Variants in RBFOX3 observed in about 807,000 individuals in gnomAD.
The protein encoded by RBFOX3 is RNA binding fox-1 homolog 3, also known as RNA binding protein fox-1 homolog 3.
In RBFOX3, 17 loss-of-function variants were observed where a neutral mutation model predicts 48.7. That is an observed-to-expected ratio of 0.35 (90% CI 0.24 to 0.52). The LOEUF is 0.52. RBFOX3 is among the 20% of genes least tolerant of loss of function. The pLI is 0.94. For synonymous variants in RBFOX3, 212 were observed against 209.5 expected, an observed-to-expected ratio of 1.01 and a Z score of -0.10; for missense variants, 382 against 497.5, an observed-to-expected ratio of 0.77 and a Z score of 2.21.
chr17:79,222,747 G>A (rs1455545971), intron 4 of RBFOX3, among the ~76,000 whole-genome samples: 1 of 152,216 alleles, frequency 6.6e-6, no homozygotes, highest in Admixed American at 6.5e-5. Context: ...CTCCTAGAGG[G>A]CAGGGGCTCA....
At chr17:79,163,682 G>A (rs1301895144) in intron 4 of RBFOX3, among the ~76,000 whole-genome samples, 1 of 147,470 alleles carries the variant, frequency 6.8e-6, no homozygotes, top group African/African-American at 2.6e-5. Flanking sequence ...CTAGAGGGAT[G>A]CCCCCCACCC....
At chr17:79,521,217 GAC>G (rs1284110564) in intron 1 of RBFOX3, among the ~76,000 whole-genome samples, 8 of 151,146 alleles carry the variant, frequency 5.3e-5, no homozygotes, top group East Asian at 1.9e-4. Flanking sequence ...CTCACGCTCA[GAC>G]ACACACACAC....
At chr17:79,202,195 C>T (rs1567833283) in intron 4 of RBFOX3, among the ~76,000 whole-genome samples, 1 of 152,146 alleles carries the variant, frequency 6.6e-6, no homozygotes, top group South Asian at 2.1e-4. Flanking sequence ...GTGATCCCTG[C>T]ATCTGAGCTG....
At chr17:79,105,169 G>C (rs1317747536) in intron 6 of RBFOX3, among the ~76,000 whole-genome samples, 3 of 152,222 alleles carry the variant, frequency 2.0e-5, no homozygotes, top group South Asian at 2.1e-4. Context: ...GGTGCAGCAA[G>C]CCCCAGTGGG....
chr17:79,112,904 C>CGGCGGGGGGGGGG (rs1307784460), intron 5 of RBFOX3, among the ~76,000 whole-genome samples: 121 of 10,200 alleles, frequency 0.012, 4 homozygotes, highest in Middle Eastern at 0.062. Context: ...AGCAGGCTCT[C>CGGCGGGGGGGGGG]GGGGGGGGGG....
chr17:79,437,780 G>A (rs2069850592), intron 2 of RBFOX3, among the ~76,000 whole-genome samples: 1 of 152,238 alleles, frequency 6.6e-6, no homozygotes, highest in African/African-American at 2.4e-5. Flanking sequence ...GGTATTTCCA[G>A]AAGGCATCTG....
chr17:79,288,642 G>A (rs1179364490), intron 3 of RBFOX3, among the ~76,000 whole-genome samples: 2 of 152,058 alleles, frequency 1.3e-5, no homozygotes, highest in Non-Finnish European at 2.9e-5. Flanking sequence ...CAGCTTCAGT[G>A]GCCCACACTC....
intron 14 of RBFOX3, 109 bp from the exon 15 acceptor site, chr17:79,090,994 C>T: frequency 1.9e-6 from 2 of 1,076,522 alleles, no homozygotes; most frequent in Non-Finnish European, 2.7e-6. Context: ...AGTCCTGGCG[C>T]CGCCACACCT....
At chr17:79,588,640 C>T (rs1351241676) in intron 1 of RBFOX3, among the ~76,000 whole-genome samples, 1 of 152,188 alleles carries the variant, frequency 6.6e-6, no homozygotes, top group Non-Finnish European at 1.5e-5. Context: ...TTAAGCACAG[C>T]CCTCCCCCAA....
At chr17:79,318,085 C>A (rs549038352) in intron 2 of RBFOX3, among the ~76,000 whole-genome samples, 1 of 152,226 alleles carries the variant, frequency 6.6e-6, no homozygotes, top group Non-Finnish European at 1.5e-5. Context: ...TGCCTGGCTG[C>A]TGCTGACAAA....
intron 4 of RBFOX3, among the ~76,000 whole-genome samples, chr17:79,210,287 C>T (rs1215973520): frequency 6.6e-6 from 1 of 152,212 alleles, no homozygotes. Flanking sequence ...GGACCCCCGG[C>T]GTCTTCACGC....
chr17:79,652,550 A>T, the RBFOX3 span, among the ~76,000 whole-genome samples: 1 of 83,772 alleles, frequency 1.2e-5, no homozygotes, highest in Admixed American at 1.1e-4. Flanking sequence ...AGAACGAGAG[A>T]AAGAGAGGAA....
chr17:79,106,110 G>A (rs750117801), intron 6 of RBFOX3, among the ~76,000 whole-genome samples: 12 of 152,182 alleles, frequency 7.9e-5, no homozygotes, highest in African/African-American at 1.2e-4. Context: ...CTGTGCATCC[G>A]GTTCCAAGTT....
chr17:79,106,542 G>T (rs2077408577), intron 6 of RBFOX3, 109 bp downstream of exon 6: 2 of 1,328,088 alleles, frequency 1.5e-6, no homozygotes, highest in Non-Finnish European at 9.7e-7. Context: ...GCAGTGGGAG[G>T]CAGGAAACCC....
chr17:79,622,203 C>T, the RBFOX3 span, among the ~76,000 whole-genome samples: 3,231 of 152,292 alleles, frequency 0.021, 113 homozygotes, highest in African/African-American at 0.074. Context: ...TGGCCACCAC[C>T]GCCAGCCAGA....
At chr17:79,536,430 G>C (rs555226718) in intron 1 of RBFOX3, among the ~76,000 whole-genome samples, 61 of 152,362 alleles carry the variant, frequency 4.0e-4, no homozygotes, top group Non-Finnish European at 1.6e-4. Context: ...CACAGGCCTG[G>C]TTATGTGTGT....
intron 2 of RBFOX3, among the ~76,000 whole-genome samples, chr17:79,412,570 ATGTG>A (rs940886654): frequency 7.2e-6 from 1 of 137,960 alleles, no homozygotes; most frequent in African/African-American, 3.1e-5. Flanking sequence ...GCTGTGTGGT[ATGTG>A]TGTGTATGCA....
intron 2 of RBFOX3, among the ~76,000 whole-genome samples, chr17:79,377,554 C>T (rs753553756): frequency 7.9e-5 from 12 of 152,194 alleles, no homozygotes; most frequent in Non-Finnish European, 1.2e-4. Context: ...GTGCGGCGGC[C>T]GAGGAACTCC....
rs943841105 is a variant in RBFOX3 at position 79,560,696 on chromosome 17, C to T, written c.-320+50130G>A. 8.0e-3 allele frequency among the ~76,000 whole-genome samples: 1,225 copies of T among 152,240 alleles called. 21 individuals are homozygous for T. The highest frequency in any genetic ancestry group is 0.028 in the African/African-American group (1,174 of 41,530). The stretch of plus-strand genomic sequence containing the variant: ...CTCACCACAGCCAGAACACTCGTGG[C>T]GGGAAGCCGTTCAGTCTCCATCCAC... On this transcript the variant is annotated intron_variant, in intron 1 of 14. Coordinates refer to ENST00000693108, the MANE Select transcript of RBFOX3 (RefSeq NM_001350451.2).
Sources: allele counts gnomAD v4.1 joint callset (sites outside exome capture counted in the v4.1 genomes callset), GRCh38; gene constraint gnomAD v4.1.1; transcripts MANE v1.5; gene names NCBI Gene and HGNC (gene_info 2026-07-23, HGNC 2026-07-21).